STK32B: variants seen among roughly 807,000 people sequenced by gnomAD.
STK32B encodes serine/threonine-protein kinase 32B.
STK32B carries 43 observed loss-of-function variants against 52.6 expected under a neutral mutation model. The observed-to-expected ratio is 0.82, with a 90% confidence interval of 0.64 to 1.05. The LOEUF is 1.05. Among genes scored for constraint, STK32B ranks in the 50% least tolerant of loss-of-function variants. STK32B has a pLI of 0.00. For synonymous variants in STK32B, 238 were observed against 204.3 expected (o/e 1.17, Z -1.41); for missense variants, 621 against 534.6 (o/e 1.16, Z -1.59).
intron 3 of STK32B, among the ~76,000 whole-genome samples, chr4:5,220,875 T>C (rs1288632038): frequency 6.6e-6 from 1 of 152,180 alleles, no homozygotes; most frequent in African/African-American, 2.4e-5. Flanking sequence ...CTCCCTCTCC[T>C]CTTTATCAAG....
At position 5,419,645 on chromosome 4, in the gene STK32B, G is replaced by A. The variant is rs139598977; in HGVS notation, c.562+2711G>A. Among the ~76,000 whole-genome samples the A allele has an allele frequency of 9.1e-3, 1,386 of 152,212 alleles. 27 individuals carry two copies. The highest frequency in any genetic ancestry group is 0.032 in the African/African-American group (1,318 of 41,526). Reference sequence around the variant, plus strand: ...TTGTTGCTTCTCTTGGTTTCTTTCCGTGTAGAAATCACTACCATGCGCTTC... The same window carrying A: ...TTGTTGCTTCTCTTGGTTTCTTTCCATGTAGAAATCACTACCATGCGCTTC... On this transcript the variant is annotated intron_variant, in intron 6 of 11. Transcript: ENST00000282908.
chr4:5,251,666 A>G (rs1414048111), intron 3 of STK32B, among the ~76,000 whole-genome samples: 1 of 152,180 alleles, frequency 6.6e-6, no homozygotes, highest in Non-Finnish European at 1.5e-5. Flanking sequence ...ACTTTTGAGC[A>G]GTATGGTCAT....
chr4:5,356,499 C>T (rs187913473), intron 4 of STK32B, among the ~76,000 whole-genome samples: 3 of 152,198 alleles, frequency 2.0e-5, no homozygotes, highest in Admixed American at 6.5e-5. Context: ...TACTGCTTTG[C>T]GAAGATTCCC....
intron 1 of STK32B, among the ~76,000 whole-genome samples, chr4:5,069,433 T>TATGTATATC (rs1392471142): frequency 6.6e-6 from 1 of 152,114 alleles, no homozygotes; most frequent in Non-Finnish European, 1.5e-5. Context: ...GCCTTGTGCT[T>TATGTATATC]ATGTATATCT....
chr4:5,210,976 G>A (rs1023729286), intron 3 of STK32B, among the ~76,000 whole-genome samples: 9 of 151,818 alleles, frequency 5.9e-5, no homozygotes, highest in Admixed American at 1.3e-4. Context: ...TTAAATTTGT[G>A]TAGAGATGGG....
chr4:5,098,089 A>C (rs527615149), intron 1 of STK32B, among the ~76,000 whole-genome samples: 2 of 152,280 alleles, frequency 1.3e-5, no homozygotes, highest in East Asian at 3.9e-4. Flanking sequence ...AAGAAACATC[A>C]CTCGCATTAT....
chr4:5,463,318 T>C (rs1354971535), intron 9 of STK32B, among the ~76,000 whole-genome samples: 2 of 148,822 alleles, frequency 1.3e-5, no homozygotes, highest in African/African-American at 4.8e-5. Flanking sequence ...TGAGGCTGTG[T>C]GCTGGGATGC....
chr4:5,019,402 G>T, the STK32B span: 277 of 1,491,922 alleles, frequency 1.9e-4, 1 homozygote, highest in South Asian at 2.3e-3. Context: ...GGGGGCTCCC[G>T]CCAGGAGCAG....
At chr4:5,492,370 G>C (rs977382556) in intron 11 of STK32B, among the ~76,000 whole-genome samples, 9 of 151,524 alleles carry the variant, frequency 5.9e-5, no homozygotes, top group African/African-American at 2.2e-4. Flanking sequence ...TCATGATTTG[G>C]CTGTTTGTCT....
intron 1 of STK32B, among the ~76,000 whole-genome samples, chr4:5,117,853 T>C (rs1039608952): frequency 1.3e-5 from 2 of 152,210 alleles, no homozygotes; most frequent in African/African-American, 4.8e-5. Context: ...TGTTGTATCA[T>C]GTTTACAGAT....
At chr4:5,021,419 G>A in the STK32B span, among the ~76,000 whole-genome samples, 6 of 152,308 alleles carry the variant, frequency 3.9e-5, no homozygotes, top group African/African-American at 1.4e-4. Flanking sequence ...GTTTTCTTCT[G>A]GGTGAAGGAG....
At chr4:5,341,095 G>A (rs6813036) in intron 4 of STK32B, among the ~76,000 whole-genome samples, 49,768 of 152,066 alleles carry the variant, frequency 0.33, 12,534 homozygotes, top group African/African-American at 0.7. Context: ...ACTGTTTACA[G>A]AATGCTCATA....
At chr4:5,406,956 T>A (rs1737723479) in intron 5 of STK32B, among the ~76,000 whole-genome samples, 1 of 152,192 alleles carries the variant, frequency 6.6e-6, no homozygotes, top group African/African-American at 2.4e-5. Flanking sequence ...GTTTTTCTTT[T>A]CTACCACATG....
At chr4:5,456,705 G>A in intron 7 of STK32B, 102 bp from the exon 8 acceptor site, 1 of 1,084,768 alleles carries the variant, frequency 9.2e-7, no homozygotes, top group Non-Finnish European at 1.3e-6. Context: ...GTTACTTGAA[G>A]AGGAAGAATA....
intron 3 of STK32B, among the ~76,000 whole-genome samples, chr4:5,254,145 C>T (rs866812651): frequency 7.2e-5 from 11 of 152,148 alleles, no homozygotes; most frequent in South Asian, 2.1e-4. Context: ...TGTTAGCTTT[C>T]GGTAAGGTAT....
chr4:5,111,710 T>C (rs1714417056), intron 1 of STK32B, among the ~76,000 whole-genome samples: 1 of 152,064 alleles, frequency 6.6e-6, no homozygotes, highest in Non-Finnish European at 1.5e-5. Context: ...ATTATGCGTC[T>C]GATACCCATG....
intron 3 of STK32B, among the ~76,000 whole-genome samples, chr4:5,244,399 A>T (rs1725286903): frequency 6.6e-6 from 1 of 152,066 alleles, no homozygotes; most frequent in Admixed American, 6.6e-5. Flanking sequence ...GGTAGTTTGT[A>T]TTTCTGTGGG....
chr4:5,174,489 C>A (rs1719664102), intron 3 of STK32B, among the ~76,000 whole-genome samples: 1 of 152,162 alleles, frequency 6.6e-6, no homozygotes, highest in Non-Finnish European at 1.5e-5. Context: ...TCTTTTAGGG[C>A]AGGCCTGGTG....
intron 3 of STK32B, among the ~76,000 whole-genome samples, chr4:5,257,246 A>C (rs750658570): frequency 8.2e-6 from 1 of 121,422 alleles, no homozygotes; most frequent in African/African-American, 5.9e-5. Context: ...TGAGTGAATG[A>C]TTGAGTGAAT....
Sources: gnomAD v4.1 joint callset for allele counts (sites outside exome capture counted in the v4.1 genomes callset) on GRCh38, gnomAD v4.1.1 for gene constraint, MANE v1.5 for transcripts, NCBI Gene and HGNC (gene_info 2026-07-23, HGNC 2026-07-21) for gene names.